The following TBK1 variants were observed in gnomAD, a reference collection of about 807,000 sequenced individuals.
The protein encoded by TBK1 is serine/threonine-protein kinase TBK1.
TBK1 carries 37 observed loss-of-function variants against 99.9 expected under a neutral mutation model. That is an observed-to-expected ratio of 0.37 (90% CI 0.28 to 0.49). The LOEUF is 0.49. TBK1 is among the 20% of genes least tolerant of loss of function. The pLI is 0.98. For missense variants in TBK1, 644 were observed against 872.5 expected (o/e 0.74, Z 3.30); for synonymous variants, 258 against 279.8 (o/e 0.92, Z 0.78).
intron 2 of TBK1, among the ~76,000 whole-genome samples, chr12:64,459,644 C>A (rs2040525095): frequency 6.6e-6 from 1 of 152,304 alleles, no homozygotes; most frequent in South Asian, 2.1e-4. Context: ...TTTAGCCTCG[C>A]TCTGCAACTC....
chr12:64,484,198 T>TA, intron 8 of TBK1, 105 bp from the exon 9 acceptor site: 1 of 726,582 alleles, frequency 1.4e-6, no homozygotes, highest in Non-Finnish European at 2.2e-6. Flanking sequence ...CTGGTTATGA[T>TA]ATTAGGGATA....
intron 2 of TBK1, among the ~76,000 whole-genome samples, chr12:64,457,882 A>G (rs1592352146): frequency 6.6e-6 from 1 of 152,334 alleles, no homozygotes; most frequent in South Asian, 2.1e-4. Flanking sequence ...TCCAAAGGAA[A>G]CAAATATGTA....
At chr12:64,479,870 T>C (rs932467786) in intron 6 of TBK1, 142 bp from the exon 7 acceptor site, 2 of 544,152 alleles carry the variant, frequency 3.7e-6, no homozygotes, top group African/African-American at 3.8e-5. Context: ...TTTGATTGTT[T>C]TATGGATCCT....
At chr12:64,494,775 T>C (rs1206771427) in intron 13 of TBK1, among the ~76,000 whole-genome samples, 1 of 152,246 alleles carries the variant, frequency 6.6e-6, no homozygotes, top group African/African-American at 2.4e-5. Flanking sequence ...TAAAAAATTA[T>C]AATGCCAGTG....
chr12:64,478,042 AT>A (rs2040732865), intron 6 of TBK1, among the ~76,000 whole-genome samples: 1 of 152,236 alleles, frequency 6.6e-6, no homozygotes, highest in Non-Finnish European at 1.5e-5. Context: ...TGTGAAGAAT[AT>A]TGAGTTTAGT....
At chr12:64,489,525 A>G (rs138760031) in intron 12 of TBK1, among the ~76,000 whole-genome samples, 1 of 151,804 alleles carries the variant, frequency 6.6e-6, no homozygotes, top group East Asian at 1.9e-4. Flanking sequence ...AAATAGAAGC[A>G]GATAAAATTC....
At chr12:64,484,535 A>T in intron 9 of TBK1, 36 bp downstream of exon 9, 1 of 1,566,964 alleles carries the variant, frequency 6.4e-7, no homozygotes, top group Non-Finnish European at 8.6e-7. Flanking sequence ...CTTACTAGCC[A>T]TTAGAAAAAT....
chr12:64,479,945 G>C, intron 6 of TBK1, 67 bp from the exon 7 acceptor site: 1 of 1,081,392 alleles, frequency 9.2e-7, no homozygotes, highest in South Asian at 1.5e-5. Flanking sequence ...AAATACTTTT[G>C]CAAAGCCCAT....
chr12:64,499,135 C>T (rs1051397941), intron 20 of TBK1, among the ~76,000 whole-genome samples: 1 of 147,848 alleles, frequency 6.8e-6, no homozygotes, highest in Non-Finnish European at 1.5e-5. Flanking sequence ...CCTCTGCCTC[C>T]CGGGTTCAAG....
chr12:64,452,557 G>A (rs1398393909), intron 1 of TBK1: 9 of 152,246 alleles, frequency 5.9e-5, no homozygotes, highest in Admixed American at 5.9e-4. Context: ...GGCTGCCTGG[G>A]GAGGCAGGGG....
intron 3 of TBK1, 67 bp from the exon 4 acceptor site, chr12:64,464,267 T>A: frequency 1.5e-6 from 2 of 1,306,444 alleles, no homozygotes; most frequent in Non-Finnish European, 2.1e-6. Flanking sequence ...TGAAATCAGA[T>A]AAGTACTGGC....
intron 3 of TBK1, among the ~76,000 whole-genome samples, chr12:64,463,837 T>C (rs1024631360): frequency 6.6e-6 from 1 of 151,330 alleles, no homozygotes; most frequent in African/African-American, 2.4e-5. Context: ...CTTCACCTAA[T>C]AGGAATTTGG....
chr12:64,466,599 C>A (rs371933177), intron 4 of TBK1, among the ~76,000 whole-genome samples: 3 of 151,854 alleles, frequency 2.0e-5, no homozygotes, highest in East Asian at 3.9e-4. Flanking sequence ...TATATATAAC[C>A]AAAGTAATTC....
chr12:64,453,698 C>T (rs895929124), intron 1 of TBK1, among the ~76,000 whole-genome samples: 9 of 152,138 alleles, frequency 5.9e-5, no homozygotes, highest in Admixed American at 1.3e-4. Flanking sequence ...ATATTAAAAT[C>T]CATGTTTTAA....
intron 20 of TBK1, 146 bp from the exon 21 acceptor site, chr12:64,501,184 G>A: frequency 1.4e-6 from 1 of 719,500 alleles, no homozygotes; most frequent in Admixed American, 2.9e-5. Flanking sequence ...TGCTGTTCCA[G>A]TAAGAAATAG....
At chr12:64,469,510 G>C (rs2040640593) in intron 5 of TBK1, among the ~76,000 whole-genome samples, 1 of 151,988 alleles carries the variant, frequency 6.6e-6, no homozygotes, top group Non-Finnish European at 1.5e-5. Context: ...AGTTATATTT[G>C]GCTAGACCAT....
rs575813401 is a variant in TBK1, at chr12:64,484,207, T to A, written c.993-96T>A. 1.6e-5 allele frequency: 12 copies of A among 773,512 alleles called. No individual in the cohort carries two copies. In the South Asian group the frequency reaches 2.1e-4, roughly 14 times the overall value. The allele number at this position is 773,512 out of a possible 1,614,324, so 47.9% of individuals were successfully genotyped here. On this transcript the variant is annotated intron_variant, in intron 8 of 20. Transcript: ENST00000331710. ...TATGGACTGGTTATGATATTAGGGA[T>A]ATGAATTAGAAATGGATGTTGTTGC...
At chr12:64,497,533 T>TTTTTTAAATTTAAATTTAAAG in intron 18 of TBK1, 115 bp from the exon 19 acceptor site, 1 of 706,508 alleles carries the variant, frequency 1.4e-6, no homozygotes, top group Non-Finnish European at 2.2e-6. Context: ...AATTTAAAGT[T>TTTTTTAAATTTAAATTTAAAG]TTTTTAAAGG....
At chr12:64,496,834 T>C (rs2040930410) in intron 16 of TBK1, 115 bp from the exon 17 acceptor site, 4 of 682,640 alleles carry the variant, frequency 5.9e-6, no homozygotes, top group Admixed American at 6.6e-5. Context: ...GTAAATATTC[T>C]AAAGCCACAA....
Sources: allele counts gnomAD v4.1 joint callset (sites outside exome capture counted in the v4.1 genomes callset), GRCh38; gene constraint gnomAD v4.1.1; transcripts MANE v1.5; gene names NCBI Gene and HGNC (gene_info 2026-07-23, HGNC 2026-07-21).